Variants in HYDIN observed in about 807,000 individuals in gnomAD.
The protein encoded by HYDIN is HYDIN axonemal central pair apparatus protein, also known as axonemal central pair apparatus protein HYDIN.
HYDIN carries 132 observed loss-of-function variants against 403.9 expected under a neutral mutation model. The ratio of observed to expected loss-of-function variants is 0.33; its 90% CI spans 0.28 to 0.38. The LOEUF (loss-of-function observed/expected upper bound fraction) is 0.38. HYDIN is among the 10% of genes least tolerant of loss of function. The pLI, the probability that HYDIN is intolerant of heterozygous loss-of-function variation, is 1.00. For missense variants in HYDIN, 2,827 were observed against 5,009.5 expected, an observed-to-expected ratio of 0.56 and a Z score of 13.15; for synonymous variants, 1,202 against 1,891.7, an observed-to-expected ratio of 0.64 and a Z score of 9.46.
rs2077571234 is a variant in HYDIN at position 70,938,613 on chromosome 16, C to T, written c.6995+1G>A. On this transcript the variant is annotated splice_donor_variant, in intron 44 of 85. Coordinates refer to ENST00000393567, the MANE Select transcript of HYDIN (RefSeq NM_001270974.2). LOFTEE classifies it high-confidence loss of function. ...TGCTCTGGCCAGCCCTTGGCCCTGA[C>T]CTCTTCTTCCGCTCGCGGAGCGCCT... 1.9e-6 allele frequency: 3 copies of T among 1,586,688 alleles called. No homozygotes were observed. The highest frequency in any genetic ancestry group is 2.6e-6 in the Non-Finnish European group (3 of 1,160,654).
chr16:70,920,671 G>C lies in HYDIN; in HGVS notation c.7705C>G (p.Leu2569Val). Residue 2569 changes from leucine (L) to valine (V), a missense_variant, in exon 46 of 86, where the codon CTA (leucine) becomes GTA (valine). Leu to Val is a conservative substitution (Grantham distance 32, BLOSUM62 1). Coordinates refer to ENST00000393567, the MANE Select transcript of HYDIN (RefSeq NM_001270974.2). Reference sequence around the variant, plus strand: ...TCAAAGTCTGGTGTCTGGATGTCTAGGAAGGGTACGCCCAGGTCCTTCTCC... The same window carrying C: ...TCAAAGTCTGGTGTCTGGATGTCTACGAAGGGTACGCCCAGGTCCTTCTCC... ...KKEKDLGVPF[L>V]DIQTPDFEGL... 1 of 1,613,628 alleles carries C rather than the reference G, an allele frequency of 6.2e-7. No homozygotes were observed. Among genetic ancestry groups the C allele is most frequent in the Non-Finnish European group, 8.5e-7 (1 of 1,179,818 alleles).
intron 4 of HYDIN, 99 bp from the exon 5 acceptor site, chr16:71,175,840 G>T: frequency 8.0e-7 from 1 of 1,242,338 alleles, no homozygotes. Context: ...TGTGACCTTG[G>T]TCAGGTCTGA....
intron 65 of HYDIN, among the ~76,000 whole-genome samples, chr16:70,870,743 T>C (rs992993839): frequency 1.3e-5 from 2 of 151,464 alleles, no homozygotes; most frequent in Admixed American, 6.6e-5. Context: ...AATAGTAGTA[T>C]CTATGGCTGG....
intron 1 of HYDIN, among the ~76,000 whole-genome samples, chr16:71,213,942 T>C (rs1192686346): frequency 6.6e-6 from 1 of 152,022 alleles, no homozygotes. Flanking sequence ...TCCTATCTAA[T>C]GCTGGAAGAC....
intron 73 of HYDIN, among the ~76,000 whole-genome samples, chr16:70,851,748 CA>C (rs1355406417): frequency 7.3e-6 from 1 of 136,314 alleles, no homozygotes; most frequent in Admixed American, 7.5e-5. Flanking sequence ...TCATAAAAAA[CA>C]AAACAAAACA....
intron 19 of HYDIN, chr16:71,031,451 T>G: frequency 7.3e-7 from 1 of 1,365,362 alleles, no homozygotes; most frequent in South Asian, 1.8e-5. Flanking sequence ...ACCATATTCT[T>G]CTCGGATGTA....
chr16:71,177,420 T>G (rs1017584118), intron 4 of HYDIN, among the ~76,000 whole-genome samples: 6 of 152,182 alleles, frequency 3.9e-5, no homozygotes, highest in African/African-American at 1.4e-4. Context: ...GAACACAATC[T>G]TGTGTACCTC....
chr16:71,115,171 T>C (rs1350928011), intron 10 of HYDIN, among the ~76,000 whole-genome samples: 3 of 151,652 alleles, frequency 2.0e-5, no homozygotes, highest in African/African-American at 7.3e-5. Flanking sequence ...TGGAGGTAAC[T>C]GAATCATGGG....
At chr16:70,851,661 G>A (rs2038667088) in intron 73 of HYDIN, among the ~76,000 whole-genome samples, 2 of 150,606 alleles carry the variant, frequency 1.3e-5, no homozygotes, top group Admixed American at 1.3e-4. Flanking sequence ...GTGGAAAGCA[G>A]TTTGGAGATT....
At chr16:71,145,280 G>A (rs2085323989) in intron 7 of HYDIN, among the ~76,000 whole-genome samples, 1 of 151,150 alleles carries the variant, frequency 6.6e-6, no homozygotes, top group South Asian at 2.1e-4. Flanking sequence ...TTTTGAGATG[G>A]AGTCTAGCTC....
intron 55 of HYDIN, chr16:70,893,975 C>T (rs1460549410): frequency 6.5e-6 from 1 of 152,740 alleles, no homozygotes; most frequent in Non-Finnish European, 1.5e-5. Flanking sequence ...AGAAGGTCTC[C>T]TTGTAAAGCA....
At chr16:70,896,110 A>G (rs1453069090) in intron 53 of HYDIN, 30 bp from the exon 54 acceptor site, 1 of 1,613,436 alleles carries the variant, frequency 6.2e-7, no homozygotes, top group Non-Finnish European at 8.5e-7. Flanking sequence ...TCTTCAGTAA[A>G]AGCAAGACCT....
At chr16:71,057,515 G>C (rs1184451525) in intron 18 of HYDIN, among the ~76,000 whole-genome samples, 1 of 152,098 alleles carries the variant, frequency 6.6e-6, no homozygotes, top group Non-Finnish European at 1.5e-5. Flanking sequence ...AGAAATATCT[G>C]ACAAATGCTG....
intron 84 of HYDIN, among the ~76,000 whole-genome samples, chr16:70,815,975 G>GGT (rs2035810755): frequency 6.7e-6 from 1 of 149,600 alleles, no homozygotes; most frequent in Non-Finnish European, 1.5e-5. Context: ...AGGGCGTAGT[G>GGT]GTGTGCGCCT....
At chr16:71,211,784 C>T (rs1161250426) in intron 1 of HYDIN, among the ~76,000 whole-genome samples, 1 of 151,822 alleles carries the variant, frequency 6.6e-6, no homozygotes, top group African/African-American at 2.4e-5. Context: ...AAGTAAGACA[C>T]CATGAGCAAA....
At chr16:71,096,579 T>C (rs2144392536) in intron 10 of HYDIN, among the ~76,000 whole-genome samples, 1 of 151,074 alleles carries the variant, frequency 6.6e-6, no homozygotes, top group East Asian at 2.0e-4. Context: ...ACAAAATCTC[T>C]CTGGCTATAC....
chr16:71,065,554 A>G (rs540556899), intron 15 of HYDIN, among the ~76,000 whole-genome samples: 6 of 152,340 alleles, frequency 3.9e-5, no homozygotes, highest in Non-Finnish European at 5.9e-5. Flanking sequence ...GTATAGTGCA[A>G]TGGTGAAGAG....
At chr16:71,223,572 T>C (rs1598069258) in intron 1 of HYDIN, among the ~76,000 whole-genome samples, 2 of 151,468 alleles carry the variant, frequency 1.3e-5, no homozygotes, top group African/African-American at 2.4e-5. Context: ...TTGCAAGCTA[T>C]GCATCCAACA....
At chr16:71,139,880 A>G (rs1005288345) in intron 7 of HYDIN, among the ~76,000 whole-genome samples, 3 of 151,848 alleles carry the variant, frequency 2.0e-5, no homozygotes, top group East Asian at 1.9e-4. Flanking sequence ...ATCAGTTCAC[A>G]GTTCAAAAGG....
Sources: allele counts gnomAD v4.1 joint callset (sites outside exome capture counted in the v4.1 genomes callset), GRCh38; gene constraint gnomAD v4.1.1; transcripts MANE v1.5; gene names NCBI Gene and HGNC (gene_info 2026-07-23, HGNC 2026-07-21).